The following ZNF331 variants were observed in gnomAD, a reference collection of about 807,000 sequenced individuals.
ZNF331 encodes the protein zinc finger protein 331.
ZNF331 carries 2 observed loss-of-function variants against 7.0 expected under a neutral mutation model. The observed-to-expected ratio is 0.29, with a 90% CI of 0.12 to 0.90. The LOEUF (loss-of-function observed/expected upper bound fraction) is 0.90. ZNF331 is among the 40% of genes least tolerant of loss of function. The pLI is 0.58. For synonymous variants in ZNF331, 196 were observed against 205.4 expected (o/e 0.95, Z 0.39); for missense variants, 432 against 587.7 (o/e 0.74, Z 2.74).
At chr19:53,576,367 C>T (rs1330993775) in intron 5 of ZNF331, among the ~76,000 whole-genome samples, 1 of 152,200 alleles carries the variant, frequency 6.6e-6, no homozygotes. Context: ...CATCCAACTG[C>T]ATATTGTTTT....
chr19:53,556,277 A>T (rs1236662115), intron 3 of ZNF331, among the ~76,000 whole-genome samples: 1 of 150,352 alleles, frequency 6.7e-6, no homozygotes, highest in Non-Finnish European at 1.5e-5. Flanking sequence ...ATCCTATTGA[A>T]TTAGACGTTT....
the ZNF331 span, among the ~76,000 whole-genome samples, chr19:53,508,789 G>A: frequency 6.6e-6 from 1 of 152,294 alleles, no homozygotes; most frequent in Non-Finnish European, 1.5e-5. Flanking sequence ...TTACAATTAA[G>A]TTTTATACAA....
In ZNF331 at chr19:53,571,663, G is replaced by C. The variant is rs370873394; in HGVS notation, c.69G>C (p.Leu23=). 1 of 1,614,112 alleles carries C rather than the reference G, an allele frequency of 6.2e-7. No homozygotes were observed. Among genetic ancestry groups the C allele is most frequent in the Non-Finnish European group, 8.5e-7 (1 of 1,180,010 alleles). Residue 23 remains leucine, a synonymous_variant, in exon 5 of 6, where the codon CTG becomes CTC. Transcript: ENST00000449416. This position sits in a 1 kb window ranked among gnomAD's most constrained non-coding sequence, Gnocchi z 4.7. ...TTTCTCAGGAGGAGTGGGCCTGTCT[G>C]AACTCTGCTCAGAGGGACCTGTACT... ...IDFSQEEWAC[L]NSAQRDLYWD... is the part of the protein sequence containing the mutation.
intron 2 of ZNF331, among the ~76,000 whole-genome samples, chr19:53,547,808 A>G (rs181877150): frequency 6.6e-6 from 1 of 152,308 alleles, no homozygotes; most frequent in African/African-American, 2.4e-5. Flanking sequence ...ACAGACCTAT[A>G]GCAATTTGTA....
At chr19:53,514,588 CA>C (rs2086852734), upstream of ZNF331, among the ~76,000 whole-genome samples, 1 of 151,988 alleles carries the variant, frequency 6.6e-6, no homozygotes, top group African/African-American at 2.4e-5. Context: ...CAATGTCTGC[CA>C]TCTTATTTCC....
chr19:53,518,479 A>C (rs1412913010), upstream of ZNF331, among the ~76,000 whole-genome samples: 1 of 151,994 alleles, frequency 6.6e-6, no homozygotes, highest in African/African-American at 2.4e-5. Flanking sequence ...TTCCTTTCCT[A>C]TAGACATATA....
At chr19:53,534,587 T>A (rs146983711), upstream of ZNF331, among the ~76,000 whole-genome samples, 13 of 152,202 alleles carry the variant, frequency 8.5e-5, no homozygotes, top group East Asian at 1.7e-3. Context: ...CGTCCAGCCC[T>A]ATCCTACACC....
chr19:53,572,584 CATATATATT>C (rs1176357785), intron 5 of ZNF331, among the ~76,000 whole-genome samples: 1,839 of 75,814 alleles, frequency 0.024, 46 homozygotes, highest in African/African-American at 0.097. Flanking sequence ...TATATATACA[CATATATATT>C]ATATATACAC....
At chr19:53,565,598 C>T (rs1024111356) in intron 3 of ZNF331, among the ~76,000 whole-genome samples, 1 of 152,062 alleles carries the variant, frequency 6.6e-6, no homozygotes, top group African/African-American at 2.4e-5. Flanking sequence ...ACGATCTGGG[C>T]TCACTGGAAA....
chr19:53,503,906 G>A, the ZNF331 span: 60 of 654,028 alleles, frequency 9.2e-5, no homozygotes, highest in Non-Finnish European at 1.6e-4. Context: ...TGATCACGAG[G>A]ACACCAGAGA....
chr19:53,576,066 C>A (rs1172980756), intron 5 of ZNF331, among the ~76,000 whole-genome samples: 1 of 152,032 alleles, frequency 6.6e-6, no homozygotes, highest in Non-Finnish European at 1.5e-5. Flanking sequence ...CTCACTGCAA[C>A]CTCTGCTTCC....
intron 3 of ZNF331, among the ~76,000 whole-genome samples, chr19:53,559,504 A>G (rs1383064973): frequency 6.7e-6 from 1 of 149,166 alleles, no homozygotes; most frequent in Non-Finnish European, 1.5e-5. Flanking sequence ...GCATATATAC[A>G]CACCTACATA....
At chr19:53,533,865 C>CT (rs1166971275), upstream of ZNF331, among the ~76,000 whole-genome samples, 1 of 152,204 alleles carries the variant, frequency 6.6e-6, no homozygotes, top group Non-Finnish European at 1.5e-5. Context: ...CCACATTTAA[C>CT]TTTTGACTCC....
upstream of ZNF331, among the ~76,000 whole-genome samples, chr19:53,536,519 T>A (rs73935652): frequency 0.014 from 2,058 of 152,348 alleles, 46 homozygotes; most frequent in African/African-American, 0.046. Context: ...GTCAGTATTA[T>A]TAGGAAATGT....
At chr19:53,537,801 A>AG (rs2087829280), upstream of ZNF331, 1 of 151,828 alleles carries the variant, frequency 6.6e-6, no homozygotes, top group Admixed American at 6.6e-5. Context: ...AAGGGATGGG[A>AG]GGGGTGCACG....
At chr19:53,572,073 C>T (rs941372443) in intron 5 of ZNF331, among the ~76,000 whole-genome samples, 1 of 152,120 alleles carries the variant, frequency 6.6e-6, no homozygotes, top group Non-Finnish European at 1.5e-5. Context: ...CGGTGTTACT[C>T]TAGGGACCCA....
chr19:53,564,021 G>T (rs1237829417), intron 3 of ZNF331, among the ~76,000 whole-genome samples: 1 of 106,404 alleles, frequency 9.4e-6, no homozygotes, highest in Non-Finnish European at 1.8e-5. Flanking sequence ...GACAGAGCGA[G>T]ACTTCATCTC....
the ZNF331 span, among the ~76,000 whole-genome samples, chr19:53,506,312 G>C: frequency 9.0e-6 from 1 of 111,372 alleles, no homozygotes. Context: ...TCCAGCCTGG[G>C]CGACAGAGCG....
Position 53,577,160 on chromosome 19 carries a change from A to G in ZNF331, c.600A>G (p.Ser200=). Residue 200 remains serine, a synonymous_variant, in exon 6 of 6, where the codon TCA becomes TCG. Transcript: ENST00000449416. ...KDCGKAFRWG[S]SLVIHKRIHT... is the part of the protein sequence containing the mutation. ...GTGGGAAGGCTTTTCGATGGGGCTC[A>G]AGCCTCGTTATTCATAAGAGGATTC... 6.2e-7 allele frequency: 1 copy of G among 1,613,844 alleles called. No individual in the cohort carries two copies. Among genetic ancestry groups the G allele is most frequent in the Non-Finnish European group, 8.5e-7 (1 of 1,179,934 alleles).
Sources: gnomAD v4.1 joint callset for allele counts (sites outside exome capture counted in the v4.1 genomes callset) on GRCh38, gnomAD v4.1.1 for gene constraint, Gnocchi (gnomAD v3.1) non-coding constraint, MANE v1.5 for transcripts, NCBI Gene and HGNC (gene_info 2026-07-23, HGNC 2026-07-21) for gene names.